Variants in CCDC30 observed in about 807,000 individuals in gnomAD.
CCDC30 encodes coiled-coil domain containing 30, also known as coiled-coil domain-containing protein 30.
A neutral mutation model predicts 100.2 loss-of-function variants in CCDC30; 70 were observed. That is an observed-to-expected ratio of 0.70 (90% confidence interval 0.58 to 0.85). The LOEUF is 0.85. Among genes scored for constraint, CCDC30 ranks in the 40% least tolerant of loss-of-function variants. The probability of loss-of-function intolerance (pLI) is 0.00; values close to 1 mark genes in which losing one functional copy is unlikely to be tolerated. For missense variants in CCDC30, 652 were observed against 771.2 expected (o/e 0.85, Z 1.83); for synonymous variants, 233 against 269.5 (o/e 0.86, Z 1.33).
intron 6 of CCDC30, among the ~76,000 whole-genome samples, chr1:42,506,536 A>G (rs1241836479): frequency 6.6e-6 from 1 of 152,238 alleles, no homozygotes; most frequent in Non-Finnish European, 1.5e-5. Flanking sequence ...AGACATTAGA[A>G]TTTTAGAAAT....
chr1:42,542,665 C>T (rs943995225), intron 6 of CCDC30: 4 of 138,220 alleles, frequency 2.9e-5, no homozygotes, highest in African/African-American at 7.8e-5. Flanking sequence ...ATTCTCCTGC[C>T]TCAGCCTCCC....
intron 11 of CCDC30, among the ~76,000 whole-genome samples, chr1:42,614,912 G>A (rs1177883026): frequency 6.6e-6 from 1 of 151,908 alleles, no homozygotes; most frequent in Admixed American, 6.6e-5. Context: ...TCTGATTTCT[G>A]CCTGTCCTAG....
chr1:42,550,449 T>C (rs112759362), intron 6 of CCDC30, among the ~76,000 whole-genome samples: 9 of 152,302 alleles, frequency 5.9e-5, no homozygotes, highest in African/African-American at 1.9e-4. Flanking sequence ...CCATGACCCA[T>C]AAGGCCCTCC....
intron 10 of CCDC30, among the ~76,000 whole-genome samples, chr1:42,608,599 G>A (rs1392719601): frequency 6.6e-6 from 1 of 151,954 alleles, no homozygotes; most frequent in Non-Finnish European, 1.5e-5. Context: ...CAGCTACTCG[G>A]GAGGCTGAGG....
At chr1:42,622,240 C>T (rs557198126) in intron 11 of CCDC30, among the ~76,000 whole-genome samples, 2 of 152,294 alleles carry the variant, frequency 1.3e-5, no homozygotes, top group South Asian at 4.1e-4. Context: ...ACCTCCAGTT[C>T]CATCCATGTA....
At chr1:42,546,738 C>G (rs1645153385) in intron 6 of CCDC30, among the ~76,000 whole-genome samples, 1 of 151,774 alleles carries the variant, frequency 6.6e-6, no homozygotes, top group Non-Finnish European at 1.5e-5. Context: ...ATCTATCTAT[C>G]TTGTTAATTT....
At chr1:42,469,890 A>G (rs962273856) in intron 1 of CCDC30, among the ~76,000 whole-genome samples, 1 of 152,224 alleles carries the variant, frequency 6.6e-6, no homozygotes, top group Non-Finnish European at 1.5e-5. Context: ...TGAGTGAAAT[A>G]GTAACAGAAA....
chr1:42,625,637 G>T (rs185264834), intron 11 of CCDC30, among the ~76,000 whole-genome samples: 126 of 151,954 alleles, frequency 8.3e-4, no homozygotes, highest in African/African-American at 2.8e-3. Flanking sequence ...GGAGCATATT[G>T]TTTAATTTCC....
At chr1:42,456,640 C>T in the CCDC30 span, 8 of 1,576,848 alleles carry the variant, frequency 5.1e-6, no homozygotes, top group Non-Finnish European at 6.9e-6. Flanking sequence ...TTATGGCTCG[C>T]TTCGCGGCCA....
Position 42,596,052 on chromosome 1 carries a change from G to A in CCDC30, c.1164+6569G>A, listed in dbSNP as rs1226378466. On this transcript the variant is annotated intron_variant, in intron 10 of 16. Coordinates refer to ENST00000668663, the Ensembl canonical transcript of CCDC30. The surrounding 1 kb of genome is among the most constrained non-coding windows in gnomAD (Gnocchi z 4.3). ...ACTGAAAAATCAACACATTTCCCTA[G>A]ATCCTTCAGAGAAGAGAGGTCACAG... Among the ~76,000 whole-genome samples, 2 of 152,190 alleles carry A rather than the reference G, an allele frequency of 1.3e-5. No homozygotes were observed. Among genetic ancestry groups the A allele is most frequent in the Non-Finnish European group, 2.9e-5 (2 of 68,030 alleles).
At chr1:42,642,075 AC>A (rs1195133477) in intron 12 of CCDC30, among the ~76,000 whole-genome samples, 49 of 151,786 alleles carry the variant, frequency 3.2e-4, no homozygotes, top group African/African-American at 7.0e-4. Flanking sequence ...AATACAAAAA[AC>A]TTAGCCGGGC....
At chr1:42,640,626 G>C (rs1258406909) in intron 12 of CCDC30, among the ~76,000 whole-genome samples, 3 of 152,174 alleles carry the variant, frequency 2.0e-5, no homozygotes, top group Non-Finnish European at 1.5e-5. Context: ...AGGCATGGTG[G>C]CTCATGCCTG....
intron 6 of CCDC30, among the ~76,000 whole-genome samples, chr1:42,560,827 C>T (rs987155921): frequency 6.6e-6 from 1 of 152,120 alleles, no homozygotes; most frequent in Non-Finnish European, 1.5e-5. Flanking sequence ...ATTATAAACA[C>T]CTCTATGCAA....
intron 6 of CCDC30, among the ~76,000 whole-genome samples, chr1:42,523,065 G>A (rs754818896): frequency 7.2e-5 from 11 of 151,808 alleles, no homozygotes; most frequent in Non-Finnish European, 1.5e-4. Flanking sequence ...CCTGACCTCA[G>A]GTAATCTGCC....
At chr1:42,638,348 T>C (rs1291528669) in intron 12 of CCDC30, among the ~76,000 whole-genome samples, 2 of 151,922 alleles carry the variant, frequency 1.3e-5, no homozygotes, top group African/African-American at 2.4e-5. Context: ...CTGGGCAACA[T>C]AGAGAAGCTC....
intron 8 of CCDC30, among the ~76,000 whole-genome samples, chr1:42,577,667 G>A (rs1017751740): frequency 6.6e-6 from 1 of 151,936 alleles, no homozygotes; most frequent in African/African-American, 2.4e-5. Flanking sequence ...TTGAGAGGGA[G>A]TCTCGCTCTG....
intron 6 of CCDC30, chr1:42,537,447 T>G (rs1308851682): frequency 1.4e-5 from 5 of 355,974 alleles, no homozygotes; most frequent in Non-Finnish European, 2.2e-5. Flanking sequence ...CCTGTGGTTT[T>G]GGGAGGCCAC....
chr1:42,632,044 G>C (rs1432626489), intron 11 of CCDC30, among the ~76,000 whole-genome samples: 1 of 152,110 alleles, frequency 6.6e-6, no homozygotes, highest in African/African-American at 2.4e-5. Context: ...TCTCAAGCAG[G>C]AGTTTCACCC....
intron 6 of CCDC30, among the ~76,000 whole-genome samples, chr1:42,519,813 A>G (rs1644609209): frequency 6.6e-6 from 1 of 152,108 alleles, no homozygotes; most frequent in Non-Finnish European, 1.5e-5. Flanking sequence ...TCAGCCTCCC[A>G]AAGTGCTGTG....
Sources: gnomAD v4.1 joint callset for allele counts (sites outside exome capture counted in the v4.1 genomes callset) on GRCh38, gnomAD v4.1.1 for gene constraint, Gnocchi (gnomAD v3.1) non-coding constraint, MANE v1.5 for transcripts, NCBI Gene and HGNC (gene_info 2026-07-23, HGNC 2026-07-21) for gene names.